Variants in CFAP52 observed in about 807,000 individuals in gnomAD.
CFAP52 encodes cilia and flagella associated protein 52, also known as cilia- and flagella-associated protein 52.
A neutral mutation model predicts 70.5 loss-of-function variants in CFAP52; 57 were observed. The observed-to-expected ratio is 0.81, with a 90% CI of 0.65 to 1.01. The LOEUF is 1.01. CFAP52 is among the 50% of genes least tolerant of loss of function. The probability of loss-of-function intolerance (pLI) is 0.00; values close to 1 mark genes in which losing one functional copy is unlikely to be tolerated. For missense variants in CFAP52, 785 were observed against 788.5 expected (o/e 1.00, Z 0.05); for synonymous variants, 267 against 292.5 (o/e 0.91, Z 0.89).
At chr17:9,635,835 C>A (rs944995427) in intron 11 of CFAP52, among the ~76,000 whole-genome samples, 1 of 152,016 alleles carries the variant, frequency 6.6e-6, no homozygotes, top group African/African-American at 2.4e-5. Flanking sequence ...TTAACTTACA[C>A]GAATTCAACC....
At chr17:9,630,039 C>A (rs1290209362) in intron 9 of CFAP52, among the ~76,000 whole-genome samples, 1 of 151,896 alleles carries the variant, frequency 6.6e-6, no homozygotes, top group Non-Finnish European at 1.5e-5. Context: ...TCTTGGAGTC[C>A]TCACTGCCTC....
chr17:9,628,521 A>T, intron 8 of CFAP52, 151 bp from the exon 9 acceptor site: 1 of 986,408 alleles, frequency 1.0e-6, no homozygotes, highest in East Asian at 2.8e-5. Context: ...CTCGTGATCC[A>T]CCCCCCTGGC....
In CFAP52 at chr17:9,643,143, T is replaced by C. The variant is rs201767852; in HGVS notation, c.1808T>C (p.Val603Ala). Residue 603 changes from valine (V) to alanine (A), a missense_variant, in exon 14 of 14, where the codon GTT (valine) becomes GCT (alanine). By Grantham distance (64) the Val-to-Ala change is moderately conservative. Coordinates refer to ENST00000352665, the MANE Select transcript of CFAP52 (RefSeq NM_145054.5). Reference sequence around the variant, plus strand: ...ATAAGTCCAGGAAATCAATATATTGTTAGTGTAAGTGCCGATGGAGCCATT... The same window carrying C: ...ATAAGTCCAGGAAATCAATATATTGCTAGTGTAAGTGCCGATGGAGCCATT... ...IRISPGNQYI[V>A]SVSADGAILR... 1.7e-5 allele frequency: 28 copies of C among 1,613,338 alleles called. No individual in the cohort carries two copies. The African/African-American group carries it at 3.7e-4, about 22-fold the overall frequency.
At chr17:9,635,707 C>T (rs553004947) in intron 11 of CFAP52, 151 bp downstream of exon 11, 15 of 1,048,666 alleles carry the variant, frequency 1.4e-5, no homozygotes, top group Middle Eastern at 2.9e-4. Flanking sequence ...CCGTTCATGA[C>T]GGTCCATGGT....
At position 9,616,808 on chromosome 17, in the gene CFAP52, C is replaced by T. The variant is rs1468969470; in HGVS notation, c.1025+4329C>T. On this transcript the variant is annotated intron_variant, in intron 8 of 13. Coordinates refer to ENST00000352665, the MANE Select transcript of CFAP52 (RefSeq NM_145054.5). ...AGGGTCCTGTCTGTTAGAAGGAAAA[C>T]TAACAACCAGAAAGGACATCTACAC... Among the ~76,000 whole-genome samples, 12 of 90,024 alleles carry T rather than the reference C, an allele frequency of 1.3e-4. No homozygotes were observed. The South Asian group carries it at 5.8e-3, about 43-fold the overall frequency. The allele number at this position is 90,024 out of a possible 152,430, so 59.1% of individuals were successfully genotyped here. A position where few individuals can be genotyped will look rare whatever the true frequency, so the allele number is the denominator to read the frequency against.
At chr17:9,584,643 T>C (rs1032152053) in intron 1 of CFAP52, among the ~76,000 whole-genome samples, 4 of 152,060 alleles carry the variant, frequency 2.6e-5, no homozygotes, top group African/African-American at 9.7e-5. Context: ...TTTTTTGAGA[T>C]GGAATTTTGC....
At chr17:9,580,072 C>G (rs532219421) in intron 1 of CFAP52, among the ~76,000 whole-genome samples, 189 of 152,226 alleles carry the variant, frequency 1.2e-3, no homozygotes, top group Non-Finnish European at 2.3e-3. Flanking sequence ...TTATGGTATA[C>G]AAAGAGTTCT....
chr17:9,596,724 T>G lies in CFAP52; in HGVS notation c.537-1510T>G, dbSNP rs184545559. Among the ~76,000 whole-genome samples the G allele has an allele frequency of 2.0e-3, 297 of 151,094 alleles. 5 individuals carry two copies. The highest frequency in any genetic ancestry group is 1.5e-3 in the South Asian group (7 of 4,746). On this transcript the variant is annotated intron_variant, in intron 4 of 13. Coordinates refer to ENST00000352665, the MANE Select transcript of CFAP52 (RefSeq NM_145054.5). ...ATGGTTGTTGTGTGTGTGTGTGTGT[T>G]TTTTTTTTGAGATGGAGTTTTGCTC...
At chr17:9,604,054 AG>A (rs1296471967) in intron 6 of CFAP52, among the ~76,000 whole-genome samples, 1 of 152,222 alleles carries the variant, frequency 6.6e-6, no homozygotes, top group Non-Finnish European at 1.5e-5. Flanking sequence ...ATGGAAAAAA[AG>A]ATCGTCTTTT....
intron 7 of CFAP52, among the ~76,000 whole-genome samples, chr17:9,611,384 T>C (rs1178259929): frequency 6.6e-6 from 1 of 152,052 alleles, no homozygotes; most frequent in African/African-American, 2.4e-5. Context: ...AGACAGAGTC[T>C]CACTCTGTCA....
At chr17:9,635,011 A>T (rs1345653465) in intron 10 of CFAP52, among the ~76,000 whole-genome samples, 2 of 152,198 alleles carry the variant, frequency 1.3e-5, no homozygotes, top group African/African-American at 4.8e-5. Context: ...GTTTAAATAT[A>T]GCTCTGGGTA....
intron 12 of CFAP52, among the ~76,000 whole-genome samples, chr17:9,641,491 G>A (rs774068552): frequency 3.3e-5 from 5 of 152,120 alleles, no homozygotes; most frequent in Non-Finnish European, 5.9e-5. Context: ...CTTAATCCAG[G>A]TTTATCAGCA....
intron 8 of CFAP52, 97 bp from the exon 9 acceptor site, chr17:9,628,575 C>A (rs1390273142): frequency 2.0e-6 from 3 of 1,496,802 alleles, no homozygotes; most frequent in African/African-American, 2.8e-5. Context: ...CCGCGCCCAG[C>A]CTTTTCCTAT....
chr17:9,639,721 G>C (rs1327970856), intron 12 of CFAP52, among the ~76,000 whole-genome samples: 1 of 152,140 alleles, frequency 6.6e-6, no homozygotes, highest in Non-Finnish European at 1.5e-5. Flanking sequence ...GCGGGGGAAA[G>C]CTCCTTCAGC....
intron 6 of CFAP52, among the ~76,000 whole-genome samples, chr17:9,607,127 C>T (rs1258423121): frequency 2.0e-5 from 3 of 152,212 alleles, no homozygotes; most frequent in African/African-American, 7.2e-5. Context: ...AGGAGGATCA[C>T]TTCAGGTGAG....
At chr17:9,601,915 C>T (rs570145960) in intron 6 of CFAP52, among the ~76,000 whole-genome samples, 205 of 152,244 alleles carry the variant, frequency 1.3e-3, no homozygotes, top group African/African-American at 4.8e-3. Context: ...AGCAGATATT[C>T]TCAAGAAACT....
At chr17:9,636,781 TCCCGCCTGTAACC>T (rs1910823887) in intron 11 of CFAP52, among the ~76,000 whole-genome samples, 1 of 151,992 alleles carries the variant, frequency 6.6e-6, no homozygotes, top group Non-Finnish European at 1.5e-5. Flanking sequence ...GCGCGGTGGC[TCCCGCCTGTAACC>T]CCAGCACTTT....
chr17:9,637,078 A>G (rs1381725508), intron 11 of CFAP52, among the ~76,000 whole-genome samples: 1 of 152,104 alleles, frequency 6.6e-6, no homozygotes, highest in Non-Finnish European at 1.5e-5. Context: ...AAAGCAAAAA[A>G]AAACCCGACA....
At chr17:9,586,596 A>G in intron 2 of CFAP52, 102 bp from the exon 3 acceptor site, 2 of 1,387,110 alleles carry the variant, frequency 1.4e-6, no homozygotes, top group Non-Finnish European at 1.9e-6. Flanking sequence ...GAAAGAAAAA[A>G]GAAAAGTGAC....
Sources: gnomAD v4.1 joint callset for allele counts (sites outside exome capture counted in the v4.1 genomes callset) on GRCh38, gnomAD v4.1.1 for gene constraint, MANE v1.5 for transcripts, NCBI Gene and HGNC (gene_info 2026-07-23, HGNC 2026-07-21) for gene names.